Variants in NFAT5 observed in about 807,000 individuals in gnomAD.
NFAT5 encodes nuclear factor of activated T cells 5.
In NFAT5, 31 loss-of-function variants were observed where a neutral mutation model predicts 166.5. The observed-to-expected ratio is 0.19, with a 90% CI of 0.14 to 0.25. The LOEUF is 0.25. Among genes scored for constraint, NFAT5 ranks in the 10% least tolerant of loss-of-function variants. The pLI is 1.00. For missense variants in NFAT5, 1,449 were observed against 1,821.8 expected (o/e 0.80, Z 3.72); for synonymous variants, 612 against 639.7 (o/e 0.96, Z 0.65).
At chr16:69,586,284 C>G (rs554394710) in intron 2 of NFAT5, among the ~76,000 whole-genome samples, 166 of 152,272 alleles carry the variant, frequency 1.1e-3, no homozygotes, top group Admixed American at 2.0e-3. Flanking sequence ...GACCTAAATA[C>G]CACTGACTAT....
chr16:69,574,242 A>G (rs2016609310), intron 2 of NFAT5, among the ~76,000 whole-genome samples: 1 of 152,194 alleles, frequency 6.6e-6, no homozygotes, highest in Admixed American at 6.5e-5. Flanking sequence ...ACAGGTAACT[A>G]GAAAAAAATA....
chr16:69,601,820 G>C (rs1171082631), intron 2 of NFAT5, among the ~76,000 whole-genome samples: 1 of 152,178 alleles, frequency 6.6e-6, no homozygotes, highest in Non-Finnish European at 1.5e-5. Context: ...ACTGTTCTAA[G>C]TACTTAAATT....
intron 2 of NFAT5, among the ~76,000 whole-genome samples, chr16:69,582,956 A>G (rs904470321): frequency 2.6e-5 from 4 of 151,742 alleles, no homozygotes; most frequent in African/African-American, 9.7e-5. Context: ...TAATCTGAGG[A>G]GTATTACCAT....
intron 2 of NFAT5, among the ~76,000 whole-genome samples, chr16:69,579,166 G>A (rs1567514405): frequency 6.6e-6 from 1 of 152,074 alleles, no homozygotes; most frequent in African/African-American, 2.4e-5. Flanking sequence ...CGGCCACTGC[G>A]CCTGGCCATA....
intron 2 of NFAT5, among the ~76,000 whole-genome samples, chr16:69,625,181 G>C (rs1254496676): frequency 6.6e-6 from 1 of 152,012 alleles, no homozygotes; most frequent in Admixed American, 6.6e-5. Context: ...GAATTTACAG[G>C]CATGACCATT....
chr16:69,660,896 C>T (rs1314025275), intron 7 of NFAT5, among the ~76,000 whole-genome samples: 1 of 151,740 alleles, frequency 6.6e-6, no homozygotes, highest in African/African-American at 2.4e-5. Context: ...GCAACCTCCA[C>T]CTCCCAGGCT....
Position 69,693,564 on chromosome 16 carries a change from G to A in NFAT5, c.3739G>A (p.Gly1247Arg), listed in dbSNP as rs767041760. The change falls in exon 13 of 15, where the codon GGA becomes AGA. Residue 1247 changes from glycine to arginine, a missense_variant. Gly to Arg is a moderately radical substitution (Grantham distance 125). This residue lies in a region of NFAT5 where 891 missense variants were observed against 993.0 expected (regional missense o/e 0.90). Transcript: ENST00000349945. Reference sequence around the variant, plus strand: ...TAATCCAATGCCTCAAAGCCAACAAGGAACCATGTTCCAGTCACAGCACTC... The same window carrying A: ...TAATCCAATGCCTCAAAGCCAACAAAGAACCATGTTCCAGTCACAGCACTC... Reference protein sequence around the residue: ...PPNPMPQSQQGTMFQSQHSIV... With the variant: ...PPNPMPQSQQRTMFQSQHSIV... 1.9e-6 allele frequency: 3 copies of A among 1,614,110 alleles called. No individual in the cohort carries two copies. Among genetic ancestry groups the A allele is most frequent in the South Asian group, 2.2e-5 (2 of 91,082 alleles).
intron 2 of NFAT5, among the ~76,000 whole-genome samples, chr16:69,590,681 G>GTT (rs2032406564): frequency 6.6e-6 from 1 of 152,120 alleles, no homozygotes; most frequent in Non-Finnish European, 1.5e-5. Flanking sequence ...TAACAGTTTA[G>GTT]TTGTTCAGGA....
At chr16:69,586,214 T>C (rs2032054140) in intron 2 of NFAT5, among the ~76,000 whole-genome samples, 1 of 152,138 alleles carries the variant, frequency 6.6e-6, no homozygotes, top group African/African-American at 2.4e-5. Flanking sequence ...TTTCAGAGAG[T>C]GTGAATTTCT....
At chr16:69,592,230 C>T (rs1200778272) in intron 2 of NFAT5, among the ~76,000 whole-genome samples, 1 of 88,668 alleles carries the variant, frequency 1.1e-5, no homozygotes, top group East Asian at 6.5e-4. Flanking sequence ...CGGGCACCCA[C>T]CACCACGCCT....
chr16:69,567,993 C>T (rs909512897), intron 1 of NFAT5, among the ~76,000 whole-genome samples: 3 of 152,110 alleles, frequency 2.0e-5, no homozygotes, highest in African/African-American at 2.4e-5. Context: ...AATATATTCA[C>T]AAATATGGGC....
rs1205942231 is a variant in NFAT5, at chr16:69,698,527, ATT to A, written c.*2178_*2179del. On this transcript the variant is annotated 3_prime_UTR_variant, in exon 15 of 15. Transcript: ENST00000349945. ...GGGGTTTGTTATGTCTTTATTGAGT[ATT>A]TAAGTATCTTTTGAAACAAATGACC... The A allele has an allele frequency of 6.6e-6, 1 of 152,348 alleles. No individual in the cohort carries two copies. The highest frequency in any genetic ancestry group is 1.5e-5 in the Non-Finnish European group (1 of 67,994). 9.4% of individuals were successfully genotyped at this position (152,348 alleles called of 1,614,324 possible). A position where few individuals can be genotyped will look rare whatever the true frequency, so the allele number is the denominator to read the frequency against.
intron 6 of NFAT5, among the ~76,000 whole-genome samples, chr16:69,659,016 G>A (rs982724678): frequency 6.6e-6 from 1 of 151,940 alleles, no homozygotes; most frequent in Non-Finnish European, 1.5e-5. Flanking sequence ...ATACTTTTTA[G>A]TGGCTATTAT....
In NFAT5 at chr16:69,630,117, A is replaced by G. The variant is rs151099386; in HGVS notation, c.253+3589A>G. 8.8e-3 allele frequency among the ~76,000 whole-genome samples: 1,335 copies of G among 152,062 alleles called. 18 individuals are homozygous for G. Among genetic ancestry groups the G allele is most frequent in the African/African-American group, 0.031 (1,273 of 41,472 alleles). On this transcript the variant is annotated intron_variant, in intron 3 of 14. Transcript: ENST00000349945. ...ATGCCCAGCAAATTTTTGTATTTTT[A>G]GTAGAGACGGGGTTTCATTGTGTTG...
At chr16:69,650,073 A>G (rs1049337513) in intron 4 of NFAT5, among the ~76,000 whole-genome samples, 4 of 152,000 alleles carry the variant, frequency 2.6e-5, no homozygotes, top group Non-Finnish European at 5.9e-5. Context: ...AGATATTTCT[A>G]TAAGTTAAGA....
intron 7 of NFAT5, among the ~76,000 whole-genome samples, chr16:69,664,147 G>A (rs1259706775): frequency 2.6e-5 from 4 of 152,140 alleles, no homozygotes; most frequent in African/African-American, 7.2e-5. Context: ...ATAGTCAGAT[G>A]TAGGCTTTAT....
At position 69,692,081 on chromosome 16, in the gene NFAT5, G is replaced by C; in HGVS notation, c.2256G>C (p.Leu752=). Reference sequence around the variant, plus strand: ...GTACAGTGGTTAATTTGTCACAACTGACTGAGGCATCACAACAACAGCAGC... The same window carrying C: ...GTACAGTGGTTAATTTGTCACAACTCACTGAGGCATCACAACAACAGCAGC... ...SDGTVVNLSQ[L]TEASQQQQQS... is the part of the protein sequence containing the mutation. Residue 752 remains leucine (L), a synonymous_variant, in exon 13 of 15, where the codon CTG becomes CTC. Transcript: ENST00000349945. 1 of 1,614,120 alleles carries C rather than the reference G, an allele frequency of 6.2e-7. No homozygotes were observed. The highest frequency in any genetic ancestry group is 1.1e-5 in the South Asian group (1 of 91,082).
intron 7 of NFAT5, among the ~76,000 whole-genome samples, chr16:69,667,064 T>C (rs1323498328): frequency 6.6e-6 from 1 of 150,798 alleles, no homozygotes; most frequent in East Asian, 1.9e-4. Context: ...CAGTAAACTA[T>C]CGCAAGAACA....
intron 11 of NFAT5, among the ~76,000 whole-genome samples, chr16:69,686,986 G>T (rs2037333334): frequency 1.3e-5 from 2 of 152,130 alleles, no homozygotes; most frequent in Admixed American, 1.3e-4. Context: ...TAATTCTTAG[G>T]AGGAGAAAAA....
Sources: gnomAD v4.1 joint callset for allele counts (sites outside exome capture counted in the v4.1 genomes callset) on GRCh38, gnomAD v4.1.1 for gene constraint, gnomAD v4.1.1 regional missense constraint, MANE v1.5 for transcripts, NCBI Gene and HGNC (gene_info 2026-07-23, HGNC 2026-07-21) for gene names.